ITPR2: variants seen among roughly 807,000 people sequenced by gnomAD.
ITPR2 encodes the protein inositol 1,4,5-trisphosphate receptor type 2.
Under a neutral mutation model 317.1 loss-of-function variants are expected in ITPR2, and 207 were observed. That is an observed-to-expected ratio of 0.65 (90% confidence interval 0.58 to 0.73). The LOEUF (loss-of-function observed/expected upper bound fraction) is 0.73, where lower values mean the gene tolerates loss of function less well. Among genes scored for constraint, ITPR2 ranks in the 30% least tolerant of loss-of-function variants. The pLI, the probability that ITPR2 is intolerant of heterozygous loss-of-function variation, is 0.00. For synonymous variants in ITPR2, 1,156 were observed against 1,149.1 expected (o/e 1.01, Z -0.12); for missense variants, 2,613 against 3,284.0 (o/e 0.80, Z 4.99).
chr12:26,346,205 C>T (rs2136549820), intron 55 of ITPR2, among the ~76,000 whole-genome samples: 1 of 152,350 alleles, frequency 6.6e-6, no homozygotes, highest in South Asian at 2.1e-4. Flanking sequence ...CCATGTCAAC[C>T]ATACCCTTTT....
At chr12:26,754,606 T>G (rs1481106899) in intron 2 of ITPR2, among the ~76,000 whole-genome samples, 1 of 152,252 alleles carries the variant, frequency 6.6e-6, no homozygotes, top group Non-Finnish European at 1.5e-5. Flanking sequence ...GGATTTTTTT[T>G]GCCTAAGTTT....
chr12:26,533,917 CCT>C (rs1164620452), intron 37 of ITPR2, among the ~76,000 whole-genome samples: 1 of 151,962 alleles, frequency 6.6e-6, no homozygotes, highest in Non-Finnish European at 1.5e-5. Context: ...ATCATTTCTT[CCT>C]CTGTGTCTTC....
intron 34 of ITPR2, among the ~76,000 whole-genome samples, chr12:26,569,968 A>C (rs1378835952): frequency 6.6e-6 from 1 of 152,204 alleles, no homozygotes; most frequent in Non-Finnish European, 1.5e-5. Flanking sequence ...AACAACATAA[A>C]TATCCAATAG....
At chr12:26,615,759 G>A (rs1036303395) in intron 26 of ITPR2, among the ~76,000 whole-genome samples, 4 of 152,062 alleles carry the variant, frequency 2.6e-5, no homozygotes, top group African/African-American at 7.2e-5. Context: ...CAAAACACAT[G>A]GAGTAAAAAC....
chr12:26,567,986 A>AT (rs1246258060), intron 34 of ITPR2, among the ~76,000 whole-genome samples: 23 of 16,094 alleles, frequency 1.4e-3, no homozygotes, highest in Non-Finnish European at 3.4e-3. Context: ...TATTATATAT[A>AT]TATATATATA....
At chr12:26,641,162 A>G (rs899318037) in intron 21 of ITPR2, among the ~76,000 whole-genome samples, 1 of 152,188 alleles carries the variant, frequency 6.6e-6, no homozygotes, top group African/African-American at 2.4e-5. Context: ...TTAGCTGGTA[A>G]AACTTTTAAG....
chr12:26,436,968 T>C (rs16930707), intron 47 of ITPR2, among the ~76,000 whole-genome samples: 2,024 of 152,296 alleles, frequency 0.013, 45 homozygotes, highest in African/African-American at 0.046. Context: ...ATGAGCACTA[T>C]AATAAAAACT....
intron 55 of ITPR2, among the ~76,000 whole-genome samples, chr12:26,381,393 G>GT (rs1939505757): frequency 6.6e-6 from 1 of 152,128 alleles, no homozygotes. Flanking sequence ...TTCAATAAAT[G>GT]TTTTGAGTTT....
intron 10 of ITPR2, among the ~76,000 whole-genome samples, chr12:26,689,534 G>C (rs1948194235): frequency 6.6e-6 from 1 of 152,072 alleles, no homozygotes. Context: ...AAAGTGTGTT[G>C]GTTCATTGAT....
intron 55 of ITPR2, among the ~76,000 whole-genome samples, chr12:26,354,803 G>A (rs879503158): frequency 5.3e-5 from 8 of 152,098 alleles, no homozygotes; most frequent in Non-Finnish European, 1.2e-4. Flanking sequence ...CAAGTAGCTG[G>A]GATGACAGAC....
chr12:26,487,147 C>T lies in ITPR2; in HGVS notation c.5475G>A (p.Val1825=). ...TACCTAAATCTATGGTATTAACTGT[C>T]ACTGTTGATCTTATTTCTTTCTGAG... is the stretch of plus-strand genomic sequence containing the variant. ...KAAQKEIRST[V]TVNTIDLGNK... The change falls in exon 40 of 57, where the codon GTG becomes GTA. Residue 1825 remains valine, a synonymous_variant. Transcript: ENST00000381340. 1 of 1,613,142 alleles carries T rather than the reference C, an allele frequency of 6.2e-7. No homozygotes were observed.
intron 37 of ITPR2, among the ~76,000 whole-genome samples, chr12:26,526,736 G>GT (rs1943818769): frequency 1.3e-5 from 2 of 152,162 alleles, no homozygotes; most frequent in Non-Finnish European, 2.9e-5. Context: ...AGGATAACGG[G>GT]TTTAGACAAG....
At chr12:26,446,600 T>C (rs1014128111) in intron 45 of ITPR2, among the ~76,000 whole-genome samples, 1 of 151,996 alleles carries the variant, frequency 6.6e-6, no homozygotes. Context: ...ATACAAATCA[T>C]TTTCAGTTAA....
chr12:26,596,463 A>G (rs537589908), intron 31 of ITPR2, among the ~76,000 whole-genome samples: 38 of 152,274 alleles, frequency 2.5e-4, no homozygotes, highest in African/African-American at 8.9e-4. Context: ...CCTGGCCAAC[A>G]TGGTGAAACC....
intron 13 of ITPR2, among the ~76,000 whole-genome samples, chr12:26,671,575 G>A (rs1330442468): frequency 6.6e-6 from 1 of 152,050 alleles, no homozygotes; most frequent in Admixed American, 6.6e-5. Context: ...GGAACAACTG[G>A]TACCAGCCGC....
At chr12:26,488,594 G>A (rs1942726301) in intron 39 of ITPR2, among the ~76,000 whole-genome samples, 1 of 152,154 alleles carries the variant, frequency 6.6e-6, no homozygotes. Flanking sequence ...AAGAAAGAAG[G>A]CCAAAAAGTC....
intron 54 of ITPR2, among the ~76,000 whole-genome samples, chr12:26,398,651 T>C (rs1189648353): frequency 1.3e-5 from 2 of 152,234 alleles, no homozygotes; most frequent in Non-Finnish European, 2.9e-5. Flanking sequence ...CAGAGAATCA[T>C]GTAAATCACA....
chr12:26,342,340 T>G (rs1415947393), intron 55 of ITPR2, among the ~76,000 whole-genome samples: 2 of 152,224 alleles, frequency 1.3e-5, no homozygotes, highest in East Asian at 3.9e-4. Context: ...CTGTTATCTA[T>G]CCAGTATTTA....
chr12:26,339,373 T>C lies in ITPR2; in HGVS notation c.*24A>G, dbSNP rs773861690. ...ATCAGGCAGGACACTGATGAAAGGC[T>C]AGTCACGGCTTCCCCCCATGGTATC... On this transcript the variant is annotated 3_prime_UTR_variant, in exon 57 of 57. Transcript: ENST00000381340. The C allele has an allele frequency of 1.3e-6, 2 of 1,587,104 alleles. No homozygotes were observed. Among genetic ancestry groups the C allele is most frequent in the South Asian group, 2.2e-5 (2 of 90,342 alleles).
Sources: gnomAD v4.1 joint callset for allele counts (sites outside exome capture counted in the v4.1 genomes callset) on GRCh38, gnomAD v4.1.1 for gene constraint, MANE v1.5 for transcripts, NCBI Gene and HGNC (gene_info 2026-07-23, HGNC 2026-07-21) for gene names.